RNF150: variants seen among roughly 807,000 people sequenced by gnomAD.
RNF150 encodes the protein ring finger protein 150.
In RNF150, 24 loss-of-function variants were observed where a neutral mutation model predicts 39.3. The ratio of observed to expected loss-of-function variants is 0.61; its 90% confidence interval spans 0.44 to 0.86. The LOEUF (loss-of-function observed/expected upper bound fraction) is 0.86, where lower values mean the gene tolerates loss of function less well. Ranked by LOEUF, RNF150 falls within the 40% of genes least tolerant of loss-of-function variation. The probability of loss-of-function intolerance (pLI) is 0.00; values close to 1 mark genes in which losing one functional copy is unlikely to be tolerated. For missense variants in RNF150, 502 were observed against 587.8 expected, an observed-to-expected ratio of 0.85 and a Z score of 1.51; for synonymous variants, 255 against 227.3, an observed-to-expected ratio of 1.12 and a Z score of -1.10.
chr4:141,167,038 GA>G (rs1280953698), intron 1 of RNF150, among the ~76,000 whole-genome samples: 2 of 152,134 alleles, frequency 1.3e-5, no homozygotes, highest in Non-Finnish European at 2.9e-5. Context: ...TGTACATTTA[GA>G]AAACCCCAGC....
At chr4:141,171,641 A>C (rs138991268) in intron 1 of RNF150, among the ~76,000 whole-genome samples, 12 of 152,338 alleles carry the variant, frequency 7.9e-5, no homozygotes, top group African/African-American at 2.9e-4. Flanking sequence ...CTCCCACTTC[A>C]CTTTCAATTG....
In RNF150 at chr4:141,027,926, GT is replaced by G. The variant is rs61543533; in HGVS notation, c.485-60054del. ...GCTTGGAATTTGTTTTTTTTTTTTT[GT>G]TTTTTTTTTTTTTTTTTTTTTTTTT... is the stretch of plus-strand genomic sequence containing the variant. On this transcript the variant is annotated intron_variant, in intron 1 of 6. Coordinates refer to ENST00000515673, the MANE Select transcript of RNF150 (RefSeq NM_020724.2). 3.4e-3 allele frequency among the ~76,000 whole-genome samples: 233 copies of G among 69,132 alleles called. 26 individuals are homozygous for G. Among genetic ancestry groups the G allele is most frequent in the Middle Eastern group, 9.4e-3 (1 of 106 alleles). The allele number at this position is 69,132 out of a possible 152,430, so 45.4% of individuals were successfully genotyped here.
chr4:141,037,160 G>A (rs1217503235), intron 1 of RNF150, among the ~76,000 whole-genome samples: 1 of 151,834 alleles, frequency 6.6e-6, no homozygotes, highest in African/African-American at 2.4e-5. Flanking sequence ...ACAGTATTCT[G>A]TTTCTTTTTA....
chr4:141,167,987 A>G (rs1015006472), intron 1 of RNF150, among the ~76,000 whole-genome samples: 6 of 152,228 alleles, frequency 3.9e-5, no homozygotes, highest in African/African-American at 1.4e-4. Context: ...AAAAGAAATC[A>G]TCATCAGAGT....
intron 1 of RNF150, among the ~76,000 whole-genome samples, chr4:141,013,448 A>C (rs1409967965): frequency 6.6e-6 from 1 of 152,230 alleles, no homozygotes; most frequent in Non-Finnish European, 1.5e-5. Context: ...CTATAAGTTA[A>C]ATAACTTGCC....
chr4:141,099,748 G>T (rs10519584), intron 1 of RNF150, among the ~76,000 whole-genome samples: 20,013 of 151,944 alleles, frequency 0.13, 1,468 homozygotes, highest in Middle Eastern at 0.19. Flanking sequence ...TTGACATGAT[G>T]GTAAAGAGTG....
chr4:141,196,240 G>T (rs768272631), intron 1 of RNF150, among the ~76,000 whole-genome samples: 2 of 152,150 alleles, frequency 1.3e-5, no homozygotes, highest in Non-Finnish European at 2.9e-5. Context: ...AAAAAACCCT[G>T]ATCCCCTTAA....
At chr4:140,931,196 A>C (rs1274678809) in intron 4 of RNF150, among the ~76,000 whole-genome samples, 3 of 152,108 alleles carry the variant, frequency 2.0e-5, no homozygotes, top group African/African-American at 7.2e-5. Flanking sequence ...ATTGTATTAC[A>C]TCTTATTTTA....
intron 1 of RNF150, among the ~76,000 whole-genome samples, chr4:141,189,186 A>C (rs1314818286): frequency 1.3e-5 from 2 of 151,692 alleles, no homozygotes; most frequent in African/African-American, 4.8e-5. Flanking sequence ...AGTTTGCTGC[A>C]GGTCCACTCC....
chr4:141,065,618 G>A (rs1737425684), intron 1 of RNF150, among the ~76,000 whole-genome samples: 1 of 151,948 alleles, frequency 6.6e-6, no homozygotes, highest in Admixed American at 6.6e-5. Flanking sequence ...AAGGTAGTAA[G>A]ATGAGCTGTA....
At chr4:141,136,207 G>A (rs911513012), upstream of RNF150, among the ~76,000 whole-genome samples, 15 of 152,148 alleles carry the variant, frequency 9.9e-5, no homozygotes, top group Non-Finnish European at 2.1e-4. Flanking sequence ...TGGTAGATTG[G>A]ATGGTATATT....
chr4:140,964,038 C>T (rs564553127), intron 2 of RNF150, among the ~76,000 whole-genome samples: 2 of 152,106 alleles, frequency 1.3e-5, no homozygotes, highest in South Asian at 4.2e-4. Context: ...TCACTGTAAC[C>T]ATGATTACTT....
intron 6 of RNF150, among the ~76,000 whole-genome samples, chr4:140,878,452 C>T (rs1040150288): frequency 4.6e-5 from 7 of 152,050 alleles, no homozygotes; most frequent in Admixed American, 1.3e-4. Flanking sequence ...GGATTACAGG[C>T]GTAAACCACT....
intron 1 of RNF150, among the ~76,000 whole-genome samples, chr4:141,011,979 A>C (rs1036079973): frequency 1.3e-5 from 2 of 152,234 alleles, no homozygotes; most frequent in African/African-American, 4.8e-5. Context: ...TATTAAACTG[A>C]GCTCCAAGAC....
Position 141,164,034 on chromosome 4 carries a change from T to G in RNF150, c.-6+48760A>C, listed in dbSNP as rs570232810. 6.0e-5 allele frequency among the ~76,000 whole-genome samples: 9 copies of G among 151,084 alleles called. No individual in the cohort carries two copies. In the East Asian group the frequency reaches 1.8e-3, roughly 30 times the overall value. ...GCTAAAAGAACATCTTCTAATCCAATGCAAGGAAGCTAAGAACCTTGATAA... is the reference window on the plus strand; with the variant it reads ...GCTAAAAGAACATCTTCTAATCCAAGGCAAGGAAGCTAAGAACCTTGATAA... On this transcript the variant is annotated intron_variant, in intron 1 of 7. Coordinates refer to the RNF150 transcript ENST00000420921.
At chr4:141,131,468 TG>T (rs924233004) in intron 1 of RNF150, among the ~76,000 whole-genome samples, 1 of 152,178 alleles carries the variant, frequency 6.6e-6, no homozygotes, top group Non-Finnish European at 1.5e-5. Flanking sequence ...ATGGCTTTTT[TG>T]GGGGGAGGGT....
At chr4:141,103,712 C>T (rs1203158518) in intron 1 of RNF150, among the ~76,000 whole-genome samples, 1 of 148,756 alleles carries the variant, frequency 6.7e-6, no homozygotes, top group East Asian at 1.9e-4. Flanking sequence ...TTATATAACC[C>T]TCTGAATTTT....
At chr4:140,978,647 T>C (rs1490629510) in intron 1 of RNF150, among the ~76,000 whole-genome samples, 1 of 152,114 alleles carries the variant, frequency 6.6e-6, no homozygotes, top group Non-Finnish European at 1.5e-5. Flanking sequence ...ACTTATTACA[T>C]TATTGAGTGA....
chr4:140,892,757 C>T (rs974852987), intron 6 of RNF150, among the ~76,000 whole-genome samples: 1 of 151,170 alleles, frequency 6.6e-6, no homozygotes, highest in African/African-American at 2.5e-5. Context: ...CAAACTGTAC[C>T]CTAGAGTAAA....
Sources: allele counts gnomAD v4.1 joint callset (sites outside exome capture counted in the v4.1 genomes callset), GRCh38; gene constraint gnomAD v4.1.1; transcripts MANE v1.5; gene names NCBI Gene and HGNC (gene_info 2026-07-23, HGNC 2026-07-21).